The following ATG10 variants were observed in gnomAD, a reference collection of about 807,000 sequenced individuals.
ATG10 encodes the protein autophagy related 10.
In ATG10, 30 loss-of-function variants were observed where a neutral mutation model predicts 32.1. The observed-to-expected ratio is 0.94, with a 90% confidence interval of 0.70 to 1.27. The LOEUF (loss-of-function observed/expected upper bound fraction) is 1.27, where lower values mean the gene tolerates loss of function less well. ATG10 is among the 50% of genes most tolerant of loss of function. The pLI is 0.00. For synonymous variants in ATG10, 87 were observed against 91.5 expected (o/e 0.95, Z 0.28); for missense variants, 233 against 262.3 (o/e 0.89, Z 0.77).
intron 5 of ATG10, among the ~76,000 whole-genome samples, chr5:82,217,892 G>A (rs1333893697): frequency 1.3e-5 from 2 of 151,714 alleles, no homozygotes; most frequent in Non-Finnish European, 2.9e-5. Context: ...TAGGAGGCTC[G>A]CTTGACCCCA....
chr5:82,229,949 G>A (rs539599664), intron 5 of ATG10, among the ~76,000 whole-genome samples: 12 of 152,254 alleles, frequency 7.9e-5, no homozygotes, highest in African/African-American at 2.9e-4. Flanking sequence ...TGGAGCCTTG[G>A]CAAACTATTT....
At chr5:82,107,315 C>G (rs1765472912) in intron 3 of ATG10, among the ~76,000 whole-genome samples, 1 of 152,042 alleles carries the variant, frequency 6.6e-6, no homozygotes, top group Non-Finnish European at 1.5e-5. Context: ...AAACAAATTT[C>G]ATAGACAAAC....
At chr5:82,168,492 T>A (rs1013993117) in intron 4 of ATG10, among the ~76,000 whole-genome samples, 1 of 152,206 alleles carries the variant, frequency 6.6e-6, no homozygotes, top group African/African-American at 2.4e-5. Flanking sequence ...TTTGACATAT[T>A]TCTTTAATTA....
intron 1 of ATG10, among the ~76,000 whole-genome samples, chr5:81,979,270 G>A (rs1271671547): frequency 6.8e-6 from 1 of 146,982 alleles, no homozygotes; most frequent in Non-Finnish European, 1.5e-5. Context: ...GCTCACACCT[G>A]TAATCCCAGC....
At chr5:82,102,187 T>C (rs1765298241) in intron 3 of ATG10, among the ~76,000 whole-genome samples, 1 of 152,220 alleles carries the variant, frequency 6.6e-6, no homozygotes, top group Non-Finnish European at 1.5e-5. Context: ...ATGAAATGTA[T>C]AGCCTCAGTC....
intron 2 of ATG10, among the ~76,000 whole-genome samples, chr5:82,035,002 C>G (rs1762869354): frequency 6.6e-6 from 1 of 152,070 alleles, no homozygotes. Context: ...CACTCAGCCT[C>G]CCAGGTTCAA....
chr5:82,218,480 G>A lies in ATG10; in HGVS notation c.454-34082G>A, dbSNP rs1745785000. 2.6e-5 allele frequency among the ~76,000 whole-genome samples: 4 copies of A among 152,154 alleles called. No homozygotes were observed. The South Asian group carries it at 8.3e-4, about 32-fold the overall frequency. ...CAGGTTCAGTTGTTTTGGTACAGCA[G>A]CCAGGCGGGAGTGGTGGAGATAGAC... On this transcript the variant is annotated intron_variant, in intron 5 of 7. Coordinates refer to ENST00000282185, the MANE Select transcript of ATG10 (RefSeq NM_031482.5).
At chr5:82,121,824 G>A (rs1196888573) in intron 3 of ATG10, among the ~76,000 whole-genome samples, 1 of 151,988 alleles carries the variant, frequency 6.6e-6, no homozygotes, top group Non-Finnish European at 1.5e-5. Flanking sequence ...ACTTGATTGT[G>A]GTGGATTAAC....
intron 3 of ATG10, among the ~76,000 whole-genome samples, chr5:82,076,122 A>G (rs76225438): frequency 1.3e-5 from 2 of 151,920 alleles, no homozygotes; most frequent in African/African-American, 4.8e-5. Flanking sequence ...GCTTAATTTC[A>G]TTTTTTTCCT....
At chr5:82,248,145 T>C (rs1190378071) in intron 5 of ATG10, among the ~76,000 whole-genome samples, 1 of 152,182 alleles carries the variant, frequency 6.6e-6, no homozygotes, top group East Asian at 1.9e-4. Flanking sequence ...AACATCCCCT[T>C]CCCATCAGCT....
intron 5 of ATG10, among the ~76,000 whole-genome samples, chr5:82,228,964 G>A (rs943064637): frequency 2.0e-5 from 3 of 152,188 alleles, no homozygotes; most frequent in African/African-American, 7.2e-5. Flanking sequence ...GAAGCCTGAG[G>A]TTCCCGTGGC....
At chr5:82,135,338 T>C (rs1302585227) in intron 3 of ATG10, among the ~76,000 whole-genome samples, 1 of 152,236 alleles carries the variant, frequency 6.6e-6, no homozygotes, top group African/African-American at 2.4e-5. Flanking sequence ...TTTAGATCTT[T>C]CCTGCTTTCT....
At chr5:82,038,970 C>T (rs10214040) in intron 2 of ATG10, among the ~76,000 whole-genome samples, 2,492 of 152,296 alleles carry the variant, frequency 0.016, 55 homozygotes, top group African/African-American at 0.056. Flanking sequence ...ACCTCAGCCT[C>T]GTGAGTAGCT....
In ATG10 at chr5:82,067,091, T is replaced by G. The variant is rs541590557; in HGVS notation, c.216+8489T>G. Among the ~76,000 whole-genome samples the G allele has an allele frequency of 2.2e-3, 340 of 152,312 alleles. 1 individual carries two copies. The highest frequency in any genetic ancestry group is 7.9e-3 in the African/African-American group (328 of 41,578). On this transcript the variant is annotated intron_variant, in intron 3 of 7. Transcript: ENST00000282185. ...AATCTAATGCTGACAGATAAATGGA[T>G]TTTTAAAGGAAATAACTGTGAATGT...
chr5:81,999,491 A>C lies in ATG10; in HGVS notation c.108+11813A>C, dbSNP rs1039156234. Among the ~76,000 whole-genome samples the C allele has an allele frequency of 5.3e-5, 8 of 152,148 alleles. No individual in the cohort carries two copies. In the East Asian group the frequency reaches 1.5e-3, roughly 29 times the overall value. ...AGAGGAACTAGAGAAACAAGAGAAGACCAACCCCAAAGCTAGCAGAAGATA... is the reference window on the plus strand; with the variant it reads ...AGAGGAACTAGAGAAACAAGAGAAGCCCAACCCCAAAGCTAGCAGAAGATA... On this transcript the variant is annotated intron_variant, in intron 2 of 7. Transcript: ENST00000282185.
intron 3 of ATG10, among the ~76,000 whole-genome samples, chr5:82,085,639 A>C (rs190743256): frequency 3.4e-5 from 5 of 146,266 alleles, no homozygotes; most frequent in South Asian, 2.1e-4. Flanking sequence ...AAAGTATAAC[A>C]AAAAAAAAAG....
intron 3 of ATG10, among the ~76,000 whole-genome samples, chr5:82,143,158 A>G (rs1767218141): frequency 6.6e-6 from 1 of 152,234 alleles, no homozygotes; most frequent in South Asian, 2.1e-4. Flanking sequence ...TGCTGTGGGA[A>G]CAAGCGAGGC....
At chr5:82,143,815 TTGTC>T (rs780923601) in intron 3 of ATG10, among the ~76,000 whole-genome samples, 9 of 152,350 alleles carry the variant, frequency 5.9e-5, no homozygotes, top group Non-Finnish European at 8.8e-5. Context: ...TGTACTTTCT[TTGTC>T]TGGCTTGTTA....
intron 4 of ATG10, among the ~76,000 whole-genome samples, chr5:82,166,670 C>T (rs1743596542): frequency 6.6e-6 from 1 of 151,936 alleles, no homozygotes; most frequent in Non-Finnish European, 1.5e-5. Context: ...TTACTCTGGC[C>T]CTTCATCTGT....
Sources: allele counts gnomAD v4.1 joint callset (sites outside exome capture counted in the v4.1 genomes callset), GRCh38; gene constraint gnomAD v4.1.1; transcripts MANE v1.5; gene names NCBI Gene and HGNC (gene_info 2026-07-23, HGNC 2026-07-21).